The following GBE1 variants were observed in gnomAD, a reference collection of about 807,000 sequenced individuals.
GBE1 encodes 1,4-alpha-glucan-branching enzyme.
A neutral mutation model predicts 88.8 loss-of-function variants in GBE1; 70 were observed. The observed-to-expected ratio is 0.79, with a 90% CI of 0.65 to 0.96. The LOEUF is 0.96. Among genes scored for constraint, GBE1 ranks in the 40% least tolerant of loss-of-function variants. The probability of loss-of-function intolerance (pLI) is 0.00; values close to 1 mark genes in which losing one functional copy is unlikely to be tolerated. For synonymous variants in GBE1, 284 were observed against 300.1 expected (o/e 0.95, Z 0.56); for missense variants, 872 against 871.0 (o/e 1.00, Z -0.01).
At chr3:81,722,909 T>TAC (rs1706054525) in intron 1 of GBE1, among the ~76,000 whole-genome samples, 2 of 144,580 alleles carry the variant, frequency 1.4e-5, no homozygotes, top group African/African-American at 5.0e-5. Context: ...TATATATATA[T>TAC]ATATATACAC....
At chr3:81,672,072 A>G (rs1468529417) in intron 2 of GBE1, among the ~76,000 whole-genome samples, 1 of 152,176 alleles carries the variant, frequency 6.6e-6, no homozygotes, top group East Asian at 1.9e-4. Flanking sequence ...AATCAATCAC[A>G]AATTAAAACA....
chr3:81,535,886 T>A (rs1252909218), intron 13 of GBE1, among the ~76,000 whole-genome samples: 3 of 152,004 alleles, frequency 2.0e-5, no homozygotes, highest in African/African-American at 7.2e-5. Flanking sequence ...AGAAATTACA[T>A]CTGTAAACTC....
intron 2 of GBE1, among the ~76,000 whole-genome samples, chr3:81,687,851 A>C (rs1705461986): frequency 6.6e-6 from 1 of 152,244 alleles, no homozygotes; most frequent in South Asian, 2.1e-4. Flanking sequence ...AAAACATCGT[A>C]GATCGAGACG....
intron 12 of GBE1, among the ~76,000 whole-genome samples, chr3:81,557,996 C>T (rs935252232): frequency 1.3e-5 from 2 of 151,882 alleles, no homozygotes; most frequent in Non-Finnish European, 2.9e-5. Flanking sequence ...AATTGTGAGA[C>T]GGCATCAGGG....
chr3:81,760,300 G>T (rs1326424533), intron 1 of GBE1, among the ~76,000 whole-genome samples: 1 of 152,188 alleles, frequency 6.6e-6, no homozygotes, highest in African/African-American at 2.4e-5. Flanking sequence ...AACACTTGCT[G>T]ATTTGAATGC....
At chr3:81,683,516 TAAC>T (rs781219072) in intron 2 of GBE1, among the ~76,000 whole-genome samples, 1 of 152,156 alleles carries the variant, frequency 6.6e-6, no homozygotes, top group Non-Finnish European at 1.5e-5. Context: ...TAGAACAACT[TAAC>T]AACATTCAAA....
intron 2 of GBE1, 92 bp from the exon 3 acceptor site, chr3:81,671,045 A>G (rs1705182071): frequency 1.9e-6 from 1 of 534,120 alleles, no homozygotes; most frequent in South Asian, 3.6e-5. Context: ...TTACTTGCAC[A>G]AAAAATCAAA....
rs150383338 is a variant in GBE1 at position 81,674,226 on chromosome 3, C to G, written c.314-3273G>C. 1.3e-3 allele frequency among the ~76,000 whole-genome samples: 196 copies of G among 151,972 alleles called. 2 individuals are homozygous for G. The highest frequency in any genetic ancestry group is 4.6e-3 in the African/African-American group (189 of 41,512). On this transcript the variant is annotated intron_variant, in intron 2 of 15. Coordinates refer to ENST00000429644, the MANE Select transcript of GBE1 (RefSeq NM_000158.4). ...TGGGCACCAACCAGAATATCCACTTCTACCACACTACATCACACAAAGGAT... is the reference window on the plus strand; with the variant it reads ...TGGGCACCAACCAGAATATCCACTTGTACCACACTACATCACACAAAGGAT...
intron 2 of GBE1, among the ~76,000 whole-genome samples, chr3:81,698,200 T>C (rs1042454968): frequency 1.1e-4 from 17 of 151,760 alleles, no homozygotes; most frequent in South Asian, 4.2e-4. Flanking sequence ...TCCAGCACAA[T>C]TGGGGCCAAA....
At chr3:81,587,064 A>G (rs968624797) in intron 9 of GBE1, among the ~76,000 whole-genome samples, 3 of 152,102 alleles carry the variant, frequency 2.0e-5, no homozygotes, top group African/African-American at 4.8e-5. Flanking sequence ...GGCCTCCCAA[A>G]GTGCTGCGAC....
intron 7 of GBE1, among the ~76,000 whole-genome samples, chr3:81,599,610 A>G (rs1559658088): frequency 6.6e-6 from 1 of 152,226 alleles, no homozygotes; most frequent in South Asian, 2.1e-4. Flanking sequence ...CAGAAAAGGT[A>G]CAGTAAAACA....
chr3:81,750,527 A>ATATG (rs1458433768), intron 1 of GBE1, among the ~76,000 whole-genome samples: 1 of 80,992 alleles, frequency 1.2e-5, no homozygotes, highest in African/African-American at 7.7e-5. Flanking sequence ...AAACATTCAT[A>ATATG]TATATATATA....
chr3:81,521,070 T>A (rs1404533418), intron 14 of GBE1, among the ~76,000 whole-genome samples: 1 of 151,454 alleles, frequency 6.6e-6, no homozygotes, highest in Non-Finnish European at 1.5e-5. Flanking sequence ...CCAAAACAGC[T>A]CCCCTTCCAA....
At chr3:81,624,166 G>A (rs1704371178) in intron 7 of GBE1, among the ~76,000 whole-genome samples, 1 of 152,168 alleles carries the variant, frequency 6.6e-6, no homozygotes. Flanking sequence ...AAGGTGGCAG[G>A]AAAGAGAAGT....
At chr3:81,673,678 A>G (rs1259435215) in intron 2 of GBE1, among the ~76,000 whole-genome samples, 2 of 151,982 alleles carry the variant, frequency 1.3e-5, no homozygotes, top group Non-Finnish European at 2.9e-5. Flanking sequence ...AATATTTGAT[A>G]AAGAAAAATA....
chr3:81,586,926 T>A (rs148246649), intron 9 of GBE1, among the ~76,000 whole-genome samples: 1 of 152,196 alleles, frequency 6.6e-6, no homozygotes, highest in African/African-American at 2.4e-5. Flanking sequence ...ATAGCTGGGA[T>A]TACAGATGTC....
At chr3:81,522,997 T>C (rs921707061) in intron 14 of GBE1, among the ~76,000 whole-genome samples, 1 of 151,470 alleles carries the variant, frequency 6.6e-6, no homozygotes, top group African/African-American at 2.4e-5. Context: ...AAATTACCTA[T>C]AGACATTTAA....
Position 81,536,974 on chromosome 3 carries a change from T to G in GBE1, c.1740A>C (p.Leu580=). The change falls in exon 13 of 16, where the codon CTA becomes CTC. Residue 580 remains leucine, a synonymous_variant. Transcript: ENST00000429644. ...TDDDLLRYKF[L]NNFDRDMNRL... The stretch of plus-strand genomic sequence containing the variant: ...TATTCATATCCCTGTCAAAATTATT[T>G]AGGAACTTGTAGCGAAGAAGGTCGT... The G allele has an allele frequency of 6.3e-7, 1 of 1,591,270 alleles. No individual in the cohort carries two copies.
intron 15 of GBE1, among the ~76,000 whole-genome samples, chr3:81,495,749 A>T (rs1374585955): frequency 1.3e-5 from 2 of 152,180 alleles, no homozygotes; most frequent in Admixed American, 6.5e-5. Flanking sequence ...AGAGCAGAAG[A>T]TATTTTCCAA....
Sources: allele counts gnomAD v4.1 joint callset (sites outside exome capture counted in the v4.1 genomes callset), GRCh38; gene constraint gnomAD v4.1.1; transcripts MANE v1.5; gene names NCBI Gene and HGNC (gene_info 2026-07-23, HGNC 2026-07-21).